The following BTNL9 variants were observed in gnomAD, a reference collection of about 807,000 sequenced individuals.
The protein encoded by BTNL9 is butyrophilin like 9.
BTNL9 carries 45 observed loss-of-function variants against 45.8 expected under a neutral mutation model. The ratio of observed to expected loss-of-function variants is 0.98; its 90% CI spans 0.77 to 1.26. BTNL9 has a LOEUF of 1.26. BTNL9 is among the 50% of genes most tolerant of loss of function. The pLI is 0.00. For synonymous variants in BTNL9, 346 were observed against 330.8 expected, an observed-to-expected ratio of 1.05 and a Z score of -0.50; for missense variants, 784 against 729.7, an observed-to-expected ratio of 1.07 and a Z score of -0.86.
chr5:181,059,568 C>T lies in BTNL9; in HGVS notation c.1314C>T (p.Val438=), dbSNP rs1036370599. The change falls in exon 11 of 11, where the codon GTC becomes GTT. Residue 438 remains valine (V), a synonymous_variant. Coordinates refer to ENST00000327705, the MANE Select transcript of BTNL9 (RefSeq NM_152547.5). ...CEYFVLAPHR[V]ALTLRVPPRR... ...ACTTCGTCCTGGCCCCGCACCGCGT[C>T]GCGCTCACCCTGCGCGTGCCCCCGC... 7.4e-6 allele frequency: 12 copies of T among 1,611,914 alleles called. No individual in the cohort carries two copies. The highest frequency in any genetic ancestry group is 9.3e-6 in the Non-Finnish European group (11 of 1,179,588).
At position 181,047,969 on chromosome 5, in the gene BTNL9, T is replaced by A; in HGVS notation, c.152T>A (p.Val51Asp). The A allele has an allele frequency of 6.2e-7, 1 of 1,613,850 alleles. No individual in the cohort carries two copies. Among genetic ancestry groups the A allele is most frequent in the Non-Finnish European group, 8.5e-7 (1 of 1,180,006 alleles). Residue 51 changes from valine (V) to aspartate (D), a missense_variant, in exon 3 of 11, where the codon GTC (valine) becomes GAC (aspartate). By Grantham distance (152) the Val-to-Asp change is radical. Coordinates refer to ENST00000327705, the MANE Select transcript of BTNL9 (RefSeq NM_152547.5). ...LGPEYPILAL[V>D]GEEVEFPCHL... is the part of the protein sequence containing the mutation. ...CCTGAGTATCCCATCCTGGCCCTCG[T>A]CGGGGAGGAGGTGGAGTTCCCGTGC...
rs1761725777 is a variant in BTNL9, at chr5:181,053,914, C to T, written c.887-325C>T. ...AAGCGGCGGTCAGGCACCGAGAAAACAGCCCAGTTACGTGAGGCAGTGTCC... is the reference window on the plus strand; with the variant it reads ...AAGCGGCGGTCAGGCACCGAGAAAATAGCCCAGTTACGTGAGGCAGTGTCC... On this transcript the variant is annotated intron_variant, in intron 6 of 10. Transcript: ENST00000327705. This position sits in a 1 kb window ranked among gnomAD's most constrained non-coding sequence, Gnocchi z 6.5. The T allele has an allele frequency of 6.6e-7, 1 of 1,510,880 alleles. No individual in the cohort carries two copies. The highest frequency in any genetic ancestry group is 2.0e-5 in the Admixed American group (1 of 50,094). The allele number at this position is 1,510,880 out of a possible 1,614,324, so 93.6% of individuals were successfully genotyped here. A position where few individuals can be genotyped will look rare whatever the true frequency, so the allele number is the denominator to read the frequency against.
intron 2 of BTNL9, among the ~76,000 whole-genome samples, chr5:181,047,309 G>A (rs930758680): frequency 1.2e-4 from 18 of 152,202 alleles, no homozygotes; most frequent in Non-Finnish European, 2.9e-5. Flanking sequence ...CCCAACAAAT[G>A]AGTCTCAAAG....
chr5:181,054,340 G>A (rs1315848287), intron 7 of BTNL9, 81 bp downstream of exon 7: 1 of 1,586,060 alleles, frequency 6.3e-7, no homozygotes, highest in Non-Finnish European at 8.5e-7. Context: ...GCTCCCTTTG[G>A]ACAGCGGCTG....
At position 181,053,602 on chromosome 5, in the gene BTNL9, A is replaced by T. The variant is rs1472712524; in HGVS notation, c.886+101A>T. 1 of 1,548,528 alleles carries T rather than the reference A, an allele frequency of 6.5e-7. No homozygotes were observed. The highest frequency in any genetic ancestry group is 2.0e-5 in the Admixed American group (1 of 50,914). On this transcript the variant is annotated intron_variant, in intron 6 of 10. Coordinates refer to ENST00000327705, the MANE Select transcript of BTNL9 (RefSeq NM_152547.5). The surrounding 1 kb of genome is among the most constrained non-coding windows in gnomAD (Gnocchi z 6.5). The stretch of plus-strand genomic sequence containing the variant: ...CGTTACGAGGGTTTATTCCAGCGCG[A>T]GGTGTCAGGGCGGCCACCGGGGAAC...
At chr5:181,047,888 A>T in intron 2 of BTNL9, 39 bp from the exon 3 acceptor site, 1 of 1,556,850 alleles carries the variant, frequency 6.4e-7, no homozygotes, top group Non-Finnish European at 8.8e-7. Context: ...TAAAAATTGG[A>T]TGAGGGTTGC....
In BTNL9 at chr5:181,055,124, T is replaced by C; in HGVS notation, c.908-309T>C. 1 of 1,168,972 alleles carries C rather than the reference T, an allele frequency of 8.6e-7. No individual in the cohort carries two copies. The highest frequency in any genetic ancestry group is 1.1e-6 in the Non-Finnish European group (1 of 946,084). The allele number at this position is 1,168,972 out of a possible 1,614,324, so 72.4% of individuals were successfully genotyped here. On this transcript the variant is annotated intron_variant, in intron 7 of 10. Coordinates refer to ENST00000327705, the MANE Select transcript of BTNL9 (RefSeq NM_152547.5). The surrounding 1 kb of genome is among the most constrained non-coding windows in gnomAD (Gnocchi z 4.4). ...AGGCGGGAGCTCCGCCCCAGGAAGC[T>C]TGTGATTTCAGGCAGAAGGAACAAC...
rs1425718753 is a variant in BTNL9, at chr5:181,053,479, G to A, written c.864G>A (p.Arg288=). 8 of 1,578,312 alleles carry A rather than the reference G, an allele frequency of 5.1e-6. No homozygotes were observed. The highest frequency in any genetic ancestry group is 6.9e-6 in the Non-Finnish European group (8 of 1,162,330). The change falls in exon 6 of 11, where the codon AGG becomes AGA. Residue 288 remains arginine, a synonymous_variant. Transcript: ENST00000327705. The surrounding 1 kb of genome is among the most constrained non-coding windows in gnomAD (Gnocchi z 6.5). ...CCCGTTTCCCTTCAGAAAAGCTGAG[G>A]AAGCAGGCGGAGAAGAGACAAGGTG... is the stretch of plus-strand genomic sequence containing the variant. ...RKQRRSREKL[R]KQAEKRQEKL... is the part of the protein sequence containing the mutation.
In BTNL9 at chr5:181,048,235, T is replaced by A; in HGVS notation, c.418T>A (p.Phe140Ile). 4.3e-6 allele frequency: 7 copies of A among 1,612,152 alleles called. No homozygotes were observed. The highest frequency in any genetic ancestry group is 5.9e-6 in the Non-Finnish European group (7 of 1,179,068). The change falls in exon 3 of 11, where the codon TTC becomes ATC. Residue 140 changes from phenylalanine (F) to isoleucine (I), a missense_variant. By Grantham distance (21) the Phe-to-Ile change is conservative. Coordinates refer to ENST00000327705, the MANE Select transcript of BTNL9 (RefSeq NM_152547.5). ...TGGCTGCCGCTTCCACTCCGACAAC[T>A]TCTCTGGCGAAGCTCTCTGGGAACT... ...TYGCRFHSDN[F>I]SGEALWELEV...
chr5:181,041,239 C>T (rs534638642), intron 1 of BTNL9, among the ~76,000 whole-genome samples: 4 of 152,304 alleles, frequency 2.6e-5, no homozygotes, highest in African/African-American at 7.2e-5. Flanking sequence ...GCATAGCAGG[C>T]GAGGGACTCC....
chr5:181,049,285 A>T (rs1761405418), intron 3 of BTNL9, among the ~76,000 whole-genome samples: 1 of 152,236 alleles, frequency 6.6e-6, no homozygotes, highest in Admixed American at 6.5e-5. Flanking sequence ...AAAGCTTTTT[A>T]AAAACAATTG....
In BTNL9 at chr5:181,053,165, C is replaced by T; in HGVS notation, c.737-35C>T. ...TCTCGCCTCTCGGTGCTCAGCGGCG[C>T]CTGGACCGACACGGCCCCCGCGGGT... On this transcript the variant is annotated intron_variant, in intron 4 of 10. Transcript: ENST00000327705. The surrounding 1 kb of genome is among the most constrained non-coding windows in gnomAD (Gnocchi z 6.5). 1 of 1,540,278 alleles carries T rather than the reference C, an allele frequency of 6.5e-7. No individual in the cohort carries two copies. The highest frequency in any genetic ancestry group is 8.8e-7 in the Non-Finnish European group (1 of 1,137,778).
At chr5:181,048,807 A>T (rs1761357144) in intron 3 of BTNL9, among the ~76,000 whole-genome samples, 1 of 37,702 alleles carries the variant, frequency 2.7e-5, no homozygotes. Context: ...TATATTATAT[A>T]ATTATATTAG....
At chr5:181,047,832 G>T in intron 2 of BTNL9, 95 bp from the exon 3 acceptor site, 1 of 1,092,832 alleles carries the variant, frequency 9.2e-7, no homozygotes. Context: ...TTGTTTTTAT[G>T]GTTTACTGTA....
At chr5:181,048,379 C>T (rs1761304776) in intron 3 of BTNL9, 108 bp downstream of exon 3, 2 of 1,066,220 alleles carry the variant, frequency 1.9e-6, no homozygotes, top group South Asian at 3.4e-5. Flanking sequence ...TTTTAAAAAA[C>T]ATAAAAGCTG....
intron 1 of BTNL9, among the ~76,000 whole-genome samples, chr5:181,041,416 T>C (rs973239146): frequency 6.6e-6 from 1 of 152,256 alleles, no homozygotes; most frequent in African/African-American, 2.4e-5. Context: ...GAATGTGTAA[T>C]ACAAATGGAA....
chr5:181,055,808 C>T lies in BTNL9; in HGVS notation c.929-181C>T, dbSNP rs749922932. ...CTATTTCTCCTCATTCATCATTTTG[C>T]ATCTGATTCCCCATATATCTTCTTC... is the stretch of plus-strand genomic sequence containing the variant. On this transcript the variant is annotated intron_variant, in intron 8 of 10. Transcript: ENST00000327705. This position sits in a 1 kb window ranked among gnomAD's most constrained non-coding sequence, Gnocchi z 4.4. 7 of 766,270 alleles carry T rather than the reference C, an allele frequency of 9.1e-6. No individual in the cohort carries two copies. The highest frequency in any genetic ancestry group is 1.7e-5 in the Non-Finnish European group (7 of 421,276). The allele number at this position is 766,270 out of a possible 1,614,324, so 47.5% of individuals were successfully genotyped here. A position where few individuals can be genotyped will look rare whatever the true frequency, so the allele number is the denominator to read the frequency against.
chr5:181,041,297 T>C (rs1760764919), intron 1 of BTNL9, among the ~76,000 whole-genome samples: 1 of 152,184 alleles, frequency 6.6e-6, no homozygotes, highest in East Asian at 1.9e-4. Context: ...GAGATGTCCT[T>C]GGGAGATTTA....
rs1761651647 is a variant in BTNL9 at position 181,053,021 on chromosome 5, G to C, written c.737-179G>C. The C allele has an allele frequency of 6.3e-6, 1 of 159,846 alleles. No individual in the cohort carries two copies. The highest frequency in any genetic ancestry group is 1.2e-5 in the Non-Finnish European group (1 of 84,478). 9.9% of individuals were successfully genotyped at this position (159,846 alleles called of 1,614,324 possible). On this transcript the variant is annotated intron_variant, in intron 4 of 10. Coordinates refer to ENST00000327705, the MANE Select transcript of BTNL9 (RefSeq NM_152547.5). This position sits in a 1 kb window ranked among gnomAD's most constrained non-coding sequence, Gnocchi z 6.5. Reference sequence around the variant, plus strand: ...GGCGCGCCCCCGCCCCCTCCGCCGCGCGCGCCCCCGCCCCCTCCGCCGCGC... The same window carrying C: ...GGCGCGCCCCCGCCCCCTCCGCCGCCCGCGCCCCCGCCCCCTCCGCCGCGC...
Sources: allele counts gnomAD v4.1 joint callset (sites outside exome capture counted in the v4.1 genomes callset), GRCh38; gene constraint gnomAD v4.1.1; non-coding constraint Gnocchi (gnomAD v3.1); transcripts MANE v1.5; gene names NCBI Gene and HGNC (gene_info 2026-07-23, HGNC 2026-07-21).